RBFOX1: variants seen among roughly 807,000 people sequenced by gnomAD.
RBFOX1 encodes RNA binding protein fox-1 homolog 1.
A neutral mutation model predicts 57.7 loss-of-function variants in RBFOX1; 8 were observed. The ratio of observed to expected loss-of-function variants is 0.14; its 90% CI spans 0.08 to 0.25. The LOEUF (loss-of-function observed/expected upper bound fraction) is 0.25. RBFOX1 is among the 10% of genes least tolerant of loss of function. The pLI, the probability that RBFOX1 is intolerant of heterozygous loss-of-function variation, is 1.00. For missense variants in RBFOX1, 611 were observed against 548.5 expected, an observed-to-expected ratio of 1.11 and a Z score of -1.14; for synonymous variants, 326 against 222.4, an observed-to-expected ratio of 1.47 and a Z score of -4.15.
At chr16:6,849,597 A>C (rs1205078561) in intron 3 of RBFOX1, among the ~76,000 whole-genome samples, 1 of 152,210 alleles carries the variant, frequency 6.6e-6, no homozygotes, top group African/African-American at 2.4e-5. Context: ...TGAATGCAGG[A>C]GGCGGAGGTT....
chr16:7,615,472 G>A (rs575822694), intron 10 of RBFOX1, among the ~76,000 whole-genome samples: 3 of 152,202 alleles, frequency 2.0e-5, no homozygotes, highest in Non-Finnish European at 2.9e-5. Flanking sequence ...TGTTACCTTC[G>A]ATTTGCAGGT....
rs550670831 is a variant in RBFOX1, at chr16:5,946,488, C to A, written c.351+79153C>A. On this transcript the variant is annotated intron_variant, in intron 4 of 19. Transcript: ENST00000641259. This position sits in a 1 kb window ranked among gnomAD's most constrained non-coding sequence, Gnocchi z 4.6. ...CTGCTCTCATGGAATGGGAGTGCCT[C>A]ATGGTGGGGTGCCTGGAGAGGACAT... Among the ~76,000 whole-genome samples, 2 of 152,324 alleles carry A rather than the reference C, an allele frequency of 1.3e-5. No individual in the cohort carries two copies. Among genetic ancestry groups the A allele is most frequent in the East Asian group, 1.9e-4 (1 of 5,180 alleles).
rs983358063 is a variant in RBFOX1 at position 5,920,594 on chromosome 16, C to A, written c.351+53259C>A. Among the ~76,000 whole-genome samples, 6 of 152,222 alleles carry A rather than the reference C, an allele frequency of 3.9e-5. No individual in the cohort carries two copies. The East Asian group carries it at 1.2e-3, about 30-fold the overall frequency. On this transcript the variant is annotated intron_variant, in intron 4 of 19. Coordinates refer to the RBFOX1 transcript ENST00000641259. ...TCTCAAGAGCACAGCCCAGGCAGCT[C>A]TGTACTGGGCAGAGGAGGAAGCACC...
intron 2 of RBFOX1, among the ~76,000 whole-genome samples, chr16:6,364,138 G>T (rs900805780): frequency 6.6e-6 from 1 of 152,186 alleles, no homozygotes; most frequent in Non-Finnish European, 1.5e-5. Flanking sequence ...GTTCCCTGCT[G>T]TACTGAGAAG....
intron 4 of RBFOX1, among the ~76,000 whole-genome samples, chr16:7,377,992 C>A (rs1022062213): frequency 6.6e-6 from 1 of 152,146 alleles, no homozygotes; most frequent in African/African-American, 2.4e-5. Context: ...GCACGGGGAA[C>A]AGAATGTGCA....
At chr16:7,395,182 C>CT (rs971584991) in intron 4 of RBFOX1, among the ~76,000 whole-genome samples, 14 of 148,766 alleles carry the variant, frequency 9.4e-5, no homozygotes, top group African/African-American at 3.5e-4. Context: ...TTTTCCCTGA[C>CT]AGCCAAGACC....
intron 4 of RBFOX1, among the ~76,000 whole-genome samples, chr16:7,501,129 G>A (rs1160217107): frequency 6.6e-6 from 1 of 152,192 alleles, no homozygotes; most frequent in Admixed American, 6.5e-5. Flanking sequence ...TACTTGCAGT[G>A]TGAGAACAGA....
At chr16:7,460,417 G>A (rs1442034791) in intron 4 of RBFOX1, among the ~76,000 whole-genome samples, 115 of 125,064 alleles carry the variant, frequency 9.2e-4, no homozygotes, top group Middle Eastern at 4.3e-3. Flanking sequence ...GTGTGTGTGT[G>A]TATATACATA....
intron 3 of RBFOX1, among the ~76,000 whole-genome samples, chr16:6,819,530 C>T (rs58991000): frequency 0.093 from 14,093 of 151,538 alleles, 1,135 homozygotes; most frequent in African/African-American, 0.2. Flanking sequence ...ATGGAGAAAA[C>T]CCATCTCTAC....
intron 4 of RBFOX1, among the ~76,000 whole-genome samples, chr16:5,956,676 A>ATT (rs1416211761): frequency 1.2e-4 from 13 of 104,084 alleles, no homozygotes; most frequent in African/African-American, 3.2e-4. Flanking sequence ...ATATATATAT[A>ATT]TATTTTTTTT....
At chr16:6,722,688 C>G (rs938505401) in intron 3 of RBFOX1, among the ~76,000 whole-genome samples, 1 of 152,178 alleles carries the variant, frequency 6.6e-6, no homozygotes, top group Non-Finnish European at 1.5e-5. Flanking sequence ...GTCTCTCTTG[C>G]AGTTGCACAA....
intron 2 of RBFOX1, among the ~76,000 whole-genome samples, chr16:5,589,946 T>A (rs951249703): frequency 1.3e-5 from 2 of 152,070 alleles, no homozygotes; most frequent in African/African-American, 4.8e-5. Flanking sequence ...GGTACCAGGG[T>A]CTCCCCTGTC....
At chr16:6,972,302 G>A (rs1256430879) in intron 3 of RBFOX1, among the ~76,000 whole-genome samples, 1 of 151,876 alleles carries the variant, frequency 6.6e-6, no homozygotes, top group Non-Finnish European at 1.5e-5. Context: ...TTGTCTCTAT[G>A]ATTGGGCTAC....
At chr16:6,930,605 T>C (rs1434833027) in intron 3 of RBFOX1, among the ~76,000 whole-genome samples, 1 of 152,102 alleles carries the variant, frequency 6.6e-6, no homozygotes, top group Non-Finnish European at 1.5e-5. Flanking sequence ...AGATGGAGTT[T>C]TACCATGTTG....
At chr16:6,223,371 C>T (rs7191739) in intron 1 of RBFOX1, among the ~76,000 whole-genome samples, 131,645 of 143,196 alleles carry the variant, frequency 0.92, 61,023 homozygotes, top group Non-Finnish European at 0.98. Context: ...TGTTGTTTCC[C>T]GACTTTTTAA....
intron 1 of RBFOX1, among the ~76,000 whole-genome samples, chr16:6,281,081 C>G (rs893520042): frequency 6.6e-6 from 1 of 150,776 alleles, no homozygotes; most frequent in South Asian, 2.1e-4. Flanking sequence ...ACTGAGCACC[C>G]TCCTAGACAT....
chr16:6,457,593 A>G lies in RBFOX1; in HGVS notation c.-64+140536A>G, dbSNP rs61429042. Reference sequence around the variant, plus strand: ...CCATTCCTGCAGTGCCCCAGGACTCATTAAATCGCCAGGGGTATTCGAAGA... The same window carrying G: ...CCATTCCTGCAGTGCCCCAGGACTCGTTAAATCGCCAGGGGTATTCGAAGA... On this transcript the variant is annotated intron_variant, in intron 2 of 15. Coordinates refer to ENST00000550418, the MANE Select transcript of RBFOX1 (RefSeq NM_018723.4). 5.4e-3 allele frequency among the ~76,000 whole-genome samples: 819 copies of G among 152,308 alleles called. 13 individuals are homozygous for G. The highest frequency in any genetic ancestry group is 0.019 in the African/African-American group (783 of 41,564).
chr16:5,920,889 C>G (rs2058805978), intron 4 of RBFOX1, among the ~76,000 whole-genome samples: 1 of 115,466 alleles, frequency 8.7e-6, no homozygotes. Context: ...CACTTCCTGC[C>G]CAATGGAGTT....
intron 3 of RBFOX1, among the ~76,000 whole-genome samples, chr16:6,945,099 C>T (rs192959284): frequency 6.6e-6 from 1 of 152,156 alleles, no homozygotes; most frequent in East Asian, 1.9e-4. Context: ...AGCTCTGCAC[C>T]CAACGTCCCT....
Sources: gnomAD v4.1 joint callset for allele counts (sites outside exome capture counted in the v4.1 genomes callset) on GRCh38, gnomAD v4.1.1 for gene constraint, Gnocchi (gnomAD v3.1) non-coding constraint, MANE v1.5 for transcripts, NCBI Gene and HGNC (gene_info 2026-07-23, HGNC 2026-07-21) for gene names.